The following ABCC4 variants were observed in gnomAD, a reference collection of about 807,000 sequenced individuals.
The protein encoded by ABCC4 is ATP binding cassette subfamily C member 4 (PEL blood group), also known as ATP-binding cassette sub-family C member 4.
In ABCC4, 102 loss-of-function variants were observed where a neutral mutation model predicts 168.5. That is an observed-to-expected ratio of 0.61 (90% confidence interval 0.52 to 0.71). The LOEUF (loss-of-function observed/expected upper bound fraction) is 0.71. ABCC4 is among the 30% of genes least tolerant of loss of function. The pLI is 0.00. For synonymous variants in ABCC4, 617 were observed against 590.7 expected (o/e 1.04, Z -0.65); for missense variants, 1,402 against 1,605.8 (o/e 0.87, Z 2.17).
chr13:95,179,575 A>G (rs944951588), intron 11 of ABCC4, among the ~76,000 whole-genome samples: 1 of 152,260 alleles, frequency 6.6e-6, no homozygotes, highest in African/African-American at 2.4e-5. Flanking sequence ...GATAATGATC[A>G]GGTTTAAGTT....
intron 6 of ABCC4, 64 bp downstream of exon 6, chr13:95,209,370 C>T: frequency 6.5e-7 from 1 of 1,541,792 alleles, no homozygotes; most frequent in East Asian, 2.3e-5. Flanking sequence ...TGAACAAAAG[C>T]ATTGGGAAGA....
At chr13:95,026,863 T>C (rs2031572950) in intron 30 of ABCC4, among the ~76,000 whole-genome samples, 1 of 148,076 alleles carries the variant, frequency 6.8e-6, no homozygotes, top group Admixed American at 6.8e-5. Context: ...CACTCCAGCC[T>C]GGACAACAGA....
intron 9 of ABCC4, among the ~76,000 whole-genome samples, chr13:95,189,919 T>C (rs549854607): frequency 1.3e-5 from 2 of 152,204 alleles, no homozygotes; most frequent in South Asian, 4.1e-4. Context: ...AAGTACTCAT[T>C]AGGGTATCAG....
chr13:95,049,672 A>T (rs2032747441), intron 27 of ABCC4, among the ~76,000 whole-genome samples: 1 of 151,814 alleles, frequency 6.6e-6, no homozygotes, highest in Non-Finnish European at 1.5e-5. Flanking sequence ...AAAATAAATA[A>T]ATAAAAAAAT....
intron 30 of ABCC4, 101 bp from the exon 31 acceptor site, chr13:95,021,783 A>G (rs1435798155): frequency 5.1e-6 from 4 of 777,804 alleles, no homozygotes; most frequent in Non-Finnish European, 8.3e-6. Context: ...TGTGAAGCAA[A>G]TCATATCCCT....
chr13:95,227,097 T>C (rs187758522), intron 4 of ABCC4, among the ~76,000 whole-genome samples: 5 of 152,176 alleles, frequency 3.3e-5, no homozygotes, highest in African/African-American at 9.7e-5. Context: ...GCTAAAGCAT[T>C]TTCTTCCAGT....
At chr13:95,184,236 T>C (rs2037990304) in intron 11 of ABCC4, among the ~76,000 whole-genome samples, 1 of 152,012 alleles carries the variant, frequency 6.6e-6, no homozygotes, top group Admixed American at 6.6e-5. Context: ...ACCCCCACTT[T>C]CCCCCAGAGA....
rs1272801922 is a variant in ABCC4, at chr13:95,075,475, C to T, written c.2763G>A (p.Glu921=). ...LWTIRAYKAE[E]RCQELFDAHQ... ...GTGCATCAAACAGTTCCTGACACCT[C>T]TCTTCTGCTTTGTATGCCCGGATGG... The change falls in exon 22 of 31, where the codon GAG becomes GAA. Residue 921 remains glutamate, a synonymous_variant. Transcript: ENST00000645237. 13 of 1,613,988 alleles carry T rather than the reference C, an allele frequency of 8.1e-6. No homozygotes were observed. The highest frequency in any genetic ancestry group is 8.5e-6 in the Non-Finnish European group (10 of 1,180,002).
At chr13:95,041,528 C>T (rs2032359888) in intron 29 of ABCC4, among the ~76,000 whole-genome samples, 1 of 152,180 alleles carries the variant, frequency 6.6e-6, no homozygotes, top group African/African-American at 2.4e-5. Flanking sequence ...CCTTCATTAA[C>T]ATCTGTCACT....
intron 29 of ABCC4, among the ~76,000 whole-genome samples, chr13:95,037,316 T>C (rs1018877252): frequency 6.6e-6 from 1 of 152,216 alleles, no homozygotes; most frequent in African/African-American, 2.4e-5. Flanking sequence ...GGGTTGAACA[T>C]GCTCTGCTTT....
At chr13:95,158,179 C>T (rs901220297) in intron 19 of ABCC4, among the ~76,000 whole-genome samples, 22 of 152,112 alleles carry the variant, frequency 1.4e-4, no homozygotes, top group Non-Finnish European at 7.4e-5. Context: ...AACTTGGGAC[C>T]ACAGTGGGGC....
chr13:95,025,838 A>T (rs577413630), intron 30 of ABCC4, among the ~76,000 whole-genome samples: 33 of 152,314 alleles, frequency 2.2e-4, no homozygotes, highest in Middle Eastern at 3.4e-3. Flanking sequence ...ATACAAAAAT[A>T]CAGGAAAACA....
chr13:95,163,281 A>T (rs3765535), intron 17 of ABCC4, 65 bp from the exon 18 acceptor site: 9 of 1,148,386 alleles, frequency 7.8e-6, no homozygotes, highest in Admixed American at 6.6e-5. Flanking sequence ...ACATTTTTTT[A>T]AAAATGAACC....
At chr13:95,272,917 AAC>A (rs1251652031) in intron 1 of ABCC4, among the ~76,000 whole-genome samples, 1 of 149,208 alleles carries the variant, frequency 6.7e-6, no homozygotes, top group Non-Finnish European at 1.5e-5. Flanking sequence ...AAATAAAATA[AAC>A]ATGTGCTGGA....
intron 15 of ABCC4, 132 bp from the exon 16 acceptor site, chr13:95,164,650 G>T: frequency 1.1e-6 from 1 of 889,658 alleles, no homozygotes; most frequent in Non-Finnish European, 1.7e-6. Context: ...TGTGGAGAAG[G>T]GTGTGGAAAT....
chr13:95,039,802 T>TG (rs1191140959), intron 29 of ABCC4, among the ~76,000 whole-genome samples: 1 of 152,196 alleles, frequency 6.6e-6, no homozygotes, highest in Non-Finnish European at 1.5e-5. Flanking sequence ...TCGCTGATAG[T>TG]GGGGTGATCT....
At chr13:95,297,914 G>T (rs1594464513) in intron 1 of ABCC4, among the ~76,000 whole-genome samples, 1 of 152,162 alleles carries the variant, frequency 6.6e-6, no homozygotes, top group East Asian at 1.9e-4. Context: ...GTCTCTCTGG[G>T]CCTGATAATT....
At chr13:95,241,580 TCA>T (rs1282932815) in intron 3 of ABCC4, among the ~76,000 whole-genome samples, 1 of 152,036 alleles carries the variant, frequency 6.6e-6, no homozygotes, top group Non-Finnish European at 1.5e-5. Flanking sequence ...CCAGTCCCCA[TCA>T]CAGTCTCCAT....
intron 29 of ABCC4, among the ~76,000 whole-genome samples, chr13:95,037,953 C>A (rs9524780): frequency 0.48 from 72,483 of 151,694 alleles, 20,808 homozygotes; most frequent in South Asian, 0.65. Flanking sequence ...GCAACCTCCA[C>A]CTCCTGGACT....
Sources: allele counts gnomAD v4.1 joint callset (sites outside exome capture counted in the v4.1 genomes callset), GRCh38; gene constraint gnomAD v4.1.1; transcripts MANE v1.5; gene names NCBI Gene and HGNC (gene_info 2026-07-23, HGNC 2026-07-21).